The following ATRN variants were observed in gnomAD, a reference collection of about 807,000 sequenced individuals.
ATRN encodes the protein attractin.
A neutral mutation model predicts 178.7 loss-of-function variants in ATRN; 54 were observed. The ratio of observed to expected loss-of-function variants is 0.30; its 90% CI spans 0.24 to 0.38. The LOEUF is 0.38. ATRN is among the 10% of genes least tolerant of loss of function. The pLI is 1.00. For missense variants in ATRN, 1,443 were observed against 1,815.1 expected (o/e 0.79, Z 3.73); for synonymous variants, 636 against 663.0 (o/e 0.96, Z 0.63).
rs1279115134 is a variant in ATRN at position 3,471,248 on chromosome 20, G to C, written c.141G>C (p.Leu47=). Residue 47 remains leucine (L), a synonymous_variant, in exon 1 of 29, where the codon CTG becomes CTC. Coordinates refer to ENST00000262919, the MANE Select transcript of ATRN (RefSeq NM_139321.3). ...RAGRPGLGAG[L]RLPRLLSPPL... ...GGAGGCCGGGGCTGGGGGCCGGGCT[G>C]CGCCTCCCGCGGCTGCTGTCTCCAC... 2 of 1,444,510 alleles carry C rather than the reference G, an allele frequency of 1.4e-6. No individual in the cohort carries two copies. The highest frequency in any genetic ancestry group is 1.8e-6 in the Non-Finnish European group (2 of 1,108,792). 89.5% of individuals were successfully genotyped at this position (1,444,510 alleles called of 1,614,324 possible). A position where few individuals can be genotyped will look rare whatever the true frequency, so the allele number is the denominator to read the frequency against.
intron 2 of ATRN, among the ~76,000 whole-genome samples, chr20:3,538,312 G>A (rs1196486637): frequency 6.6e-6 from 1 of 152,088 alleles, no homozygotes; most frequent in Non-Finnish European, 1.5e-5. Context: ...GTCTTGATTT[G>A]TTCTAAGATG....
At chr20:3,508,137 C>T (rs1250111895) in intron 1 of ATRN, among the ~76,000 whole-genome samples, 1 of 151,658 alleles carries the variant, frequency 6.6e-6, no homozygotes, top group Non-Finnish European at 1.5e-5. Context: ...TTCCTTGAGC[C>T]CAGGAGTTTT....
At chr20:3,563,387 T>A in intron 10 of ATRN, 24 bp downstream of exon 10, 1 of 1,608,358 alleles carries the variant, frequency 6.2e-7, no homozygotes, top group Non-Finnish European at 8.5e-7. Flanking sequence ...AACCATTTTC[T>A]CTTCAGGCAT....
intron 3 of ATRN, among the ~76,000 whole-genome samples, chr20:3,544,483 G>A (rs1474994424): frequency 6.6e-6 from 1 of 152,060 alleles, no homozygotes; most frequent in Non-Finnish European, 1.5e-5. Flanking sequence ...CAAGGATATA[G>A]GCTTTTACCA....
At chr20:3,575,749 G>A (rs1176675053) in intron 12 of ATRN, 78 bp from the exon 13 acceptor site, 5 of 1,465,910 alleles carry the variant, frequency 3.4e-6, no homozygotes, top group African/African-American at 2.8e-5. Context: ...CCATTGTTAC[G>A]ATTTTTTTTT....
intron 12 of ATRN, among the ~76,000 whole-genome samples, chr20:3,574,932 A>C (rs1199058372): frequency 6.7e-6 from 1 of 149,520 alleles, no homozygotes; most frequent in African/African-American, 2.5e-5. Flanking sequence ...ATGGTTGAAC[A>C]GATGAGACAA....
chr20:3,575,470 T>C (rs1047634088), intron 12 of ATRN, among the ~76,000 whole-genome samples: 1 of 152,222 alleles, frequency 6.6e-6, no homozygotes, highest in Non-Finnish European at 1.5e-5. Flanking sequence ...TGTCCTACAA[T>C]ATTTTGGCTC....
intron 24 of ATRN, among the ~76,000 whole-genome samples, chr20:3,611,467 T>G (rs2086764757): frequency 6.6e-6 from 1 of 152,160 alleles, no homozygotes; most frequent in Admixed American, 6.5e-5. Context: ...AGAGGCCAGG[T>G]GTGGTTCACA....
intron 25 of ATRN, among the ~76,000 whole-genome samples, chr20:3,633,222 G>C (rs911869157): frequency 1.3e-5 from 2 of 152,184 alleles, no homozygotes; most frequent in Non-Finnish European, 2.9e-5. Flanking sequence ...ACCAAGTGAC[G>C]ATCCTGGGGG....
rs1442422724 is a variant in ATRN at position 3,549,333 on chromosome 20, T to G, written c.1107T>G (p.Val369=). Residue 369 remains valine (V), a synonymous_variant, in exon 6 of 29, where the codon GTT becomes GTG. Coordinates refer to ENST00000262919, the MANE Select transcript of ATRN (RefSeq NM_139321.3). ...TCAACCACTCAGATTATAACATGGT[T>G]CTAGCGTAAGTCGTTTTAAACATTT... ...YMFNHSDYNM[V]LAYDLASREW... The G allele has an allele frequency of 6.5e-7, 1 of 1,549,452 alleles. No individual in the cohort carries two copies. Among genetic ancestry groups the G allele is most frequent in the Non-Finnish European group, 8.6e-7 (1 of 1,156,244 alleles).
At chr20:3,529,986 TA>T (rs1206709872) in intron 1 of ATRN, among the ~76,000 whole-genome samples, 1 of 151,544 alleles carries the variant, frequency 6.6e-6, no homozygotes, top group Non-Finnish European at 1.5e-5. Flanking sequence ...AAGCTGAAAA[TA>T]AAAGAGTTGA....
rs557434126 is a variant in ATRN, at chr20:3,568,556, A to G, written c.1871+3124A>G. ...ATAACAATTTGTTTTCATTTTTCAC[A>G]ACTCTATAAAGTAACTATAAACACT... On this transcript the variant is annotated intron_variant, in intron 11 of 28. Transcript: ENST00000262919. Among the ~76,000 whole-genome samples, 4 of 152,300 alleles carry G rather than the reference A, an allele frequency of 2.6e-5. No individual in the cohort carries two copies. In the South Asian group the frequency reaches 8.3e-4, roughly 32 times the overall value.
intron 2 of ATRN, among the ~76,000 whole-genome samples, chr20:3,538,389 G>A (rs1282073482): frequency 6.6e-6 from 1 of 152,016 alleles, no homozygotes; most frequent in East Asian, 1.9e-4. Flanking sequence ...TAAAATATAT[G>A]CTATCTTAGT....
At chr20:3,478,415 A>G (rs1180520166) in intron 1 of ATRN, among the ~76,000 whole-genome samples, 4 of 152,176 alleles carry the variant, frequency 2.6e-5, no homozygotes, top group Non-Finnish European at 4.4e-5. Flanking sequence ...TTGCAGGGAC[A>G]TGGATGAAGC....
intron 16 of ATRN, 41 bp from the exon 17 acceptor site, chr20:3,583,857 T>C: frequency 1.3e-6 from 2 of 1,560,538 alleles, no homozygotes; most frequent in Non-Finnish European, 1.8e-6. Flanking sequence ...TTAGCGGACA[T>C]GGTGGGAGCT....
At chr20:3,564,721 C>T (rs2086007209) in intron 10 of ATRN, among the ~76,000 whole-genome samples, 1 of 152,090 alleles carries the variant, frequency 6.6e-6, no homozygotes, top group Non-Finnish European at 1.5e-5. Flanking sequence ...AATTATGAAA[C>T]CCATGTTTTG....
intron 1 of ATRN, among the ~76,000 whole-genome samples, chr20:3,484,262 A>AG (rs1568680831): frequency 1.3e-5 from 2 of 151,190 alleles, no homozygotes; most frequent in Non-Finnish European, 3.0e-5. Flanking sequence ...AAAAAAAAAA[A>AG]CAACAAAGAA....
Position 3,471,213 on chromosome 20 carries a change from AC to A in ATRN, c.108del (p.Arg37GlyfsTer102). On this transcript the variant is annotated frameshift_variant, in exon 1 of 29. Transcript: ENST00000262919. LOFTEE classifies it high-confidence loss of function. ...SGGPHWDWDVTRAGRPGLGAG... is the reference protein window; with the variant it reads ...SGGPHWDWDVXRAGRPGLGAG... ...CGGGCCGCACTGGGACTGGGACGTG[AC>A]CAGGGCTGGGAGGCCGGGGCTGGGG... is the stretch of plus-strand genomic sequence containing the variant. The A allele has an allele frequency of 6.7e-7, 1 of 1,487,482 alleles. No homozygotes were observed. Among genetic ancestry groups the A allele is most frequent in the South Asian group, 1.3e-5 (1 of 78,690 alleles). The allele number at this position is 1,487,482 out of a possible 1,614,324, so 92.1% of individuals were successfully genotyped here.
intron 1 of ATRN, among the ~76,000 whole-genome samples, chr20:3,477,239 G>A (rs2084544490): frequency 3.4e-5 from 3 of 87,560 alleles, no homozygotes; most frequent in Admixed American, 3.1e-4. Flanking sequence ...TTTCCCCAGT[G>A]CAATGTAAGT....
Sources: allele counts gnomAD v4.1 joint callset (sites outside exome capture counted in the v4.1 genomes callset), GRCh38; gene constraint gnomAD v4.1.1; transcripts MANE v1.5; gene names NCBI Gene and HGNC (gene_info 2026-07-23, HGNC 2026-07-21).